The following PSMA6 variants were observed in gnomAD, a reference collection of about 807,000 sequenced individuals.
PSMA6 encodes proteasome 20S subunit alpha 6.
For missense variants in PSMA6, 170 were observed against 294.8 expected (o/e 0.58, Z 3.10); for synonymous variants, 88 against 97.7 (o/e 0.90, Z 0.59).
chr14:35,311,815 A>G (rs1229175919), intron 4 of PSMA6, among the ~76,000 whole-genome samples: 2 of 152,340 alleles, frequency 1.3e-5, no homozygotes, highest in East Asian at 3.9e-4. Context: ...ATATACCAAC[A>G]GTAATGAAGA....
In PSMA6 at chr14:35,308,211, C is replaced by T. The variant is rs764056413; in HGVS notation, c.171+123C>T. 6.8e-5 allele frequency: 89 copies of T among 1,317,622 alleles called. 1 individual carries two copies. The South Asian group carries it at 9.1e-4, about 13-fold the overall frequency. The allele number at this position is 1,317,622 out of a possible 1,614,324, so 81.6% of individuals were successfully genotyped here. On this transcript the variant is annotated intron_variant, in intron 2 of 6. Coordinates refer to ENST00000261479, the MANE Select transcript of PSMA6 (RefSeq NM_002791.3). ...CTGAGGTGGGCAGATCACCTTAGATCGGGAGTTCTAGACCAGCGTGACCAA... is the reference window on the plus strand; with the variant it reads ...CTGAGGTGGGCAGATCACCTTAGATTGGGAGTTCTAGACCAGCGTGACCAA...
At chr14:35,296,983 C>A (rs1223667192) in intron 1 of PSMA6, among the ~76,000 whole-genome samples, 2 of 137,082 alleles carry the variant, frequency 1.5e-5, no homozygotes, top group African/African-American at 5.4e-5. Flanking sequence ...TTTCTAATGA[C>A]CCCACCCCCT....
intron 6 of PSMA6, 142 bp from the exon 7 acceptor site, chr14:35,317,106 AT>A: frequency 1.6e-6 from 1 of 633,178 alleles, no homozygotes; most frequent in East Asian, 2.7e-5. Flanking sequence ...GTGTGTATAG[AT>A]TTTTTAAAGA....
intron 1 of PSMA6, among the ~76,000 whole-genome samples, chr14:35,297,127 T>TG (rs890342102): frequency 2.7e-5 from 4 of 148,766 alleles, no homozygotes; most frequent in African/African-American, 9.9e-5. Context: ...AAGTTTTTTT[T>TG]TTTTTTTTTT....
At chr14:35,314,669 G>A (rs2052008103) in intron 6 of PSMA6, 2 of 405,430 alleles carry the variant, frequency 4.9e-6, no homozygotes, top group Admixed American at 5.1e-5. Flanking sequence ...ATTTCAGAGT[G>A]ATTTTATATC....
Position 35,312,945 on chromosome 14 carries a change from T to G in PSMA6, c.474T>G (p.Gly158=). 6.3e-7 allele frequency: 1 copy of G among 1,593,596 alleles called. No individual in the cohort carries two copies. Among genetic ancestry groups the G allele is most frequent in the Non-Finnish European group, 8.5e-7 (1 of 1,172,924 alleles). ...GPQVYKCDPA[G]YYCGFKATAA... The stretch of plus-strand genomic sequence containing the variant: ...AGGTATATAAGTGTGATCCTGCAGG[T>G]TACTACTGTGGGTTTAAAGCCACTG... The change falls in exon 5 of 7, where the codon GGT becomes GGG. Residue 158 remains glycine (G), a synonymous_variant. Coordinates refer to ENST00000261479, the MANE Select transcript of PSMA6 (RefSeq NM_002791.3).
intron 1 of PSMA6, among the ~76,000 whole-genome samples, chr14:35,293,794 G>T (rs1354101263): frequency 6.6e-6 from 1 of 152,060 alleles, no homozygotes; most frequent in Non-Finnish European, 1.5e-5. Flanking sequence ...AATAATTTTC[G>T]TATATTAGAC....
intron 1 of PSMA6, among the ~76,000 whole-genome samples, chr14:35,295,237 T>C (rs12884057): frequency 0.016 from 2,409 of 151,580 alleles, 42 homozygotes; most frequent in Non-Finnish European, 0.021. Context: ...CTCAGGAAGC[T>C]GAGGCACAAG....
intron 1 of PSMA6, chr14:35,293,183 A>G (rs1033755786): frequency 1.7e-5 from 6 of 344,858 alleles, no homozygotes; most frequent in East Asian, 1.6e-4. Flanking sequence ...GAGTGACTCA[A>G]TTCTAGAGCT....
At chr14:35,299,194 CTT>C (rs751161086) in intron 1 of PSMA6, among the ~76,000 whole-genome samples, 1 of 151,738 alleles carries the variant, frequency 6.6e-6, no homozygotes, top group African/African-American at 2.4e-5. Flanking sequence ...GCTCAGATAA[CTT>C]TTTATTTTTA....
At chr14:35,282,670 G>A (rs1438347283) in intron 1 of PSMA6, among the ~76,000 whole-genome samples, 1 of 152,082 alleles carries the variant, frequency 6.6e-6, no homozygotes, top group African/African-American at 2.4e-5. Flanking sequence ...GGGAAGCATG[G>A]TGAGATTCCC....
At chr14:35,311,810 C>T (rs1472313399) in intron 4 of PSMA6, among the ~76,000 whole-genome samples, 1 of 152,014 alleles carries the variant, frequency 6.6e-6, no homozygotes, top group Non-Finnish European at 1.5e-5. Flanking sequence ...GGAGTATATA[C>T]CAACAGTAAT....
At chr14:35,304,523 A>T (rs566639937) in intron 1 of PSMA6, among the ~76,000 whole-genome samples, 1 of 152,010 alleles carries the variant, frequency 6.6e-6, no homozygotes, top group African/African-American at 2.4e-5. Context: ...TGAGGTCAGG[A>T]GTTCAAGACC....
intron 1 of PSMA6, 97 bp from the exon 2 acceptor site, chr14:35,307,897 C>A: frequency 8.8e-7 from 1 of 1,142,386 alleles, no homozygotes; most frequent in South Asian, 1.4e-5. Flanking sequence ...ATTCTGTGTT[C>A]ATGTAGCTCT....
Position 35,310,858 on chromosome 14 carries a change from C to T in PSMA6, c.372C>T (p.Val124=). Residue 124 remains valine, a synonymous_variant, in exon 4 of 7, where the codon GTC becomes GTT. Transcript: ENST00000261479. ...AAAGAATTGCCGATATTTCTCAGGT[C>T]TACACACAGAATGCTGAAATGAGGC... ...LCKRIADISQ[V]YTQNAEMRPL... The T allele has an allele frequency of 6.2e-7, 1 of 1,613,922 alleles. No individual in the cohort carries two copies. Among genetic ancestry groups the T allele is most frequent in the Non-Finnish European group, 8.5e-7 (1 of 1,179,906 alleles).
intron 1 of PSMA6, 95 bp from the exon 2 acceptor site, chr14:35,307,899 T>G (rs1294351534): frequency 1.4e-5 from 16 of 1,171,394 alleles, no homozygotes; most frequent in Non-Finnish European, 2.0e-5. Context: ...TCTGTGTTCA[T>G]GTAGCTCTTT....
At chr14:35,292,229 GA>G, upstream of PSMA6, 2 of 1,147,674 alleles carry the variant, frequency 1.7e-6, no homozygotes, top group Non-Finnish European at 2.3e-6. Context: ...ATCCACTCAA[GA>G]GGCCTGCTTG....
At chr14:35,278,705 A>G (rs1407100749) in exon 1 of PSMA6, 2 of 1,534,570 alleles carry the variant, frequency 1.3e-6, no homozygotes, top group Middle Eastern at 1.8e-4. Context: ...TGGCTATGGC[A>G]GGTCTTCGGA....
Position 35,312,506 on chromosome 14 carries a change from C to CAAAAA in PSMA6, c.410-353_410-349dup, listed in dbSNP as rs200184285. Among the ~76,000 whole-genome samples, 22 of 100,248 alleles carry CAAAAA rather than the reference C, an allele frequency of 2.2e-4. 2 individuals are homozygous for CAAAAA. The highest frequency in any genetic ancestry group is 5.7e-4 in the Admixed American group (6 of 10,498). The allele number at this position is 100,248 out of a possible 152,430, so 65.8% of individuals were successfully genotyped here. The stretch of plus-strand genomic sequence containing the variant: ...TGGGAGACAGAGCGAGAGTCTGTCT[C>CAAAAA]AAAAAAAAAAAAAAAAAAAAAAAAA... On this transcript the variant is annotated intron_variant, in intron 4 of 6. Transcript: ENST00000261479.
Sources: gnomAD v4.1 joint callset for allele counts (sites outside exome capture counted in the v4.1 genomes callset) on GRCh38, gnomAD v4.1.1 for gene constraint, MANE v1.5 for transcripts, NCBI Gene and HGNC (gene_info 2026-07-23, HGNC 2026-07-21) for gene names.